Variants in NAALADL2 observed in about 807,000 individuals in gnomAD.
The protein encoded by NAALADL2 is N-acetylated alpha-linked acidic dipeptidase like 2.
NAALADL2 carries 76 observed loss-of-function variants against 87.2 expected under a neutral mutation model. The ratio of observed to expected loss-of-function variants is 0.87; its 90% CI spans 0.72 to 1.05. The LOEUF (loss-of-function observed/expected upper bound fraction) is 1.05. Among genes scored for constraint, NAALADL2 ranks in the 50% least tolerant of loss-of-function variants. The pLI is 0.00. For synonymous variants in NAALADL2, 354 were observed against 331.0 expected, an observed-to-expected ratio of 1.07 and a Z score of -0.75; for missense variants, 1,089 against 945.8, an observed-to-expected ratio of 1.15 and a Z score of -1.99.
intron 2 of NAALADL2, among the ~76,000 whole-genome samples, chr3:175,196,073 A>G (rs1738951713): frequency 6.6e-6 from 1 of 151,914 alleles, no homozygotes; most frequent in Non-Finnish European, 1.5e-5. Context: ...ATTGTCCCTT[A>G]CTGGCAAGGT....
intron 2 of NAALADL2, chr3:174,550,891 T>G (rs1442759561): frequency 6.6e-6 from 1 of 152,094 alleles, no homozygotes; most frequent in Non-Finnish European, 1.5e-5. Flanking sequence ...ATAAAGTGAC[T>G]GCTATATGTT....
chr3:174,547,942 G>T (rs1333319540), intron 1 of NAALADL2, among the ~76,000 whole-genome samples: 1 of 152,170 alleles, frequency 6.6e-6, no homozygotes, highest in Non-Finnish European at 1.5e-5. Flanking sequence ...ATGTCATCAT[G>T]TTCTTGCAGC....
At chr3:175,151,627 A>G (rs535053488) in intron 2 of NAALADL2, among the ~76,000 whole-genome samples, 1 of 150,414 alleles carries the variant, frequency 6.6e-6, no homozygotes, top group South Asian at 2.1e-4. Flanking sequence ...AAAATGAAAC[A>G]AACAAACAAA....
chr3:174,612,671 G>A (rs1456748510), intron 2 of NAALADL2, among the ~76,000 whole-genome samples: 2 of 151,964 alleles, frequency 1.3e-5, no homozygotes. Flanking sequence ...TTTAATTTGT[G>A]TGACAGAATT....
At chr3:175,209,249 G>C (rs1293480714) in intron 2 of NAALADL2, among the ~76,000 whole-genome samples, 3 of 152,006 alleles carry the variant, frequency 2.0e-5, no homozygotes, top group Non-Finnish European at 4.4e-5. Flanking sequence ...TTATTCAATA[G>C]CTATAAAAGA....
chr3:175,589,494 TTTAA>T (rs1721053538), intron 10 of NAALADL2, among the ~76,000 whole-genome samples: 1 of 151,982 alleles, frequency 6.6e-6, no homozygotes, highest in Non-Finnish European at 1.5e-5. Context: ...AATTTCTACC[TTTAA>T]TTAAAATTTG....
intron 2 of NAALADL2, among the ~76,000 whole-genome samples, chr3:174,574,561 AT>A (rs1715315752): frequency 6.6e-6 from 1 of 152,118 alleles, no homozygotes; most frequent in African/African-American, 2.4e-5. Context: ...CTGAATAACA[AT>A]TTTTAAGTGA....
chr3:175,230,434 C>A (rs1744775827), intron 2 of NAALADL2, among the ~76,000 whole-genome samples: 1 of 151,868 alleles, frequency 6.6e-6, no homozygotes, highest in Non-Finnish European at 1.5e-5. Flanking sequence ...TCAGAACATA[C>A]AAAAACTTCT....
intron 11 of NAALADL2, chr3:175,718,195 GTTTTTTTTTT>G (rs1244400650): frequency 2.4e-6 from 2 of 823,390 alleles, no homozygotes; most frequent in Admixed American, 3.6e-5. Context: ...AGGGCCTGTG[GTTTTTTTTTT>G]TTTTTTTTTT....
chr3:175,256,621 G>A, intron 4 of NAALADL2, 91 bp downstream of exon 4: 1 of 1,201,290 alleles, frequency 8.3e-7, no homozygotes, highest in Non-Finnish European at 1.1e-6. Flanking sequence ...GAGTGTGTGT[G>A]TGCATATAGG....
chr3:174,979,076 A>C, intron 1 of NAALADL2, among the ~76,000 whole-genome samples: 1 of 152,126 alleles, frequency 6.6e-6, no homozygotes, highest in East Asian at 1.9e-4. Flanking sequence ...ATAAAAGAAA[A>C]GGAAAGCTTT....
intron 1 of NAALADL2, 102 bp downstream of exon 1, chr3:174,859,552 C>G: frequency 1.1e-6 from 1 of 882,662 alleles, no homozygotes; most frequent in East Asian, 2.7e-5. Flanking sequence ...CACACGCATC[C>G]CTGCATGCAT....
chr3:175,035,990 G>A (rs1753363222), intron 1 of NAALADL2, among the ~76,000 whole-genome samples: 1 of 152,070 alleles, frequency 6.6e-6, no homozygotes, highest in African/African-American at 2.4e-5. Flanking sequence ...CAAGTAAAGC[G>A]GGTAGACCTA....
intron 11 of NAALADL2, among the ~76,000 whole-genome samples, chr3:175,636,136 C>T (rs761152910): frequency 3.8e-4 from 58 of 151,978 alleles, no homozygotes; most frequent in Non-Finnish European, 8.1e-4. Context: ...TAATTAATGG[C>T]ACCGATTTTC....
chr3:175,789,830 CCA>C (rs1185833711), intron 13 of NAALADL2, among the ~76,000 whole-genome samples: 4 of 151,986 alleles, frequency 2.6e-5, no homozygotes, highest in Non-Finnish European at 5.9e-5. Flanking sequence ...TCAGATAGTA[CCA>C]CACATCTTAC....
At chr3:175,136,722 T>C (rs1488896062) in intron 2 of NAALADL2, among the ~76,000 whole-genome samples, 1 of 152,130 alleles carries the variant, frequency 6.6e-6, no homozygotes, top group African/African-American at 2.4e-5. Context: ...CTGCTACCAA[T>C]TGAAGGCTTG....
intron 2 of NAALADL2, among the ~76,000 whole-genome samples, chr3:174,687,566 A>G (rs542656317): frequency 3.2e-4 from 48 of 152,282 alleles, no homozygotes; most frequent in Non-Finnish European, 6.3e-4. Flanking sequence ...AATGTTAACA[A>G]CTGGCTTTAT....
At chr3:175,375,508 T>A (rs1243695490) in intron 5 of NAALADL2, among the ~76,000 whole-genome samples, 1 of 152,172 alleles carries the variant, frequency 6.6e-6, no homozygotes, top group African/African-American at 2.4e-5. Context: ...GTGTACCTAT[T>A]TAAGTTTGTT....
intron 2 of NAALADL2, among the ~76,000 whole-genome samples, chr3:174,558,753 T>C (rs1713186529): frequency 6.6e-6 from 1 of 152,138 alleles, no homozygotes; most frequent in South Asian, 2.1e-4. Flanking sequence ...CATGGACTGA[T>C]CCTGGTCCAT....
Sources: allele counts gnomAD v4.1 joint callset (sites outside exome capture counted in the v4.1 genomes callset), GRCh38; gene constraint gnomAD v4.1.1; transcripts MANE v1.5; gene names NCBI Gene and HGNC (gene_info 2026-07-23, HGNC 2026-07-21).